Variants in ARHGAP24 observed in about 807,000 individuals in gnomAD.
The protein encoded by ARHGAP24 is rho GTPase-activating protein 24.
ARHGAP24 carries 50 observed loss-of-function variants against 76.4 expected under a neutral mutation model. The observed-to-expected ratio is 0.65, with a 90% CI of 0.52 to 0.83. The LOEUF (loss-of-function observed/expected upper bound fraction) is 0.83, where lower values mean the gene tolerates loss of function less well. Ranked by LOEUF, ARHGAP24 falls within the 40% of genes least tolerant of loss-of-function variation. The pLI is 0.00. For synonymous variants in ARHGAP24, 345 were observed against 323.3 expected, an observed-to-expected ratio of 1.07 and a Z score of -0.72; for missense variants, 930 against 914.2, an observed-to-expected ratio of 1.02 and a Z score of -0.22.
chr4:85,624,991 C>CT (rs1340320576), intron 2 of ARHGAP24, among the ~76,000 whole-genome samples: 4 of 152,126 alleles, frequency 2.6e-5, no homozygotes, highest in African/African-American at 9.7e-5. Context: ...TGCTAGCAGT[C>CT]TATCAATTTT....
At chr4:85,813,821 TATA>T (rs1281841956) in intron 3 of ARHGAP24, among the ~76,000 whole-genome samples, 22 of 80,476 alleles carry the variant, frequency 2.7e-4, no homozygotes, top group African/African-American at 9.7e-4. Flanking sequence ...ATTTATTTTA[TATA>T]TATATATATA....
At position 85,628,108 on chromosome 4, in the gene ARHGAP24, C is replaced by T. The variant is rs566082254; in HGVS notation, c.180+57387C>T. Among the ~76,000 whole-genome samples, 16 of 152,234 alleles carry T rather than the reference C, an allele frequency of 1.1e-4. No homozygotes were observed. In the South Asian group the frequency reaches 1.2e-3, roughly 12 times the overall value. On this transcript the variant is annotated intron_variant, in intron 2 of 9. Coordinates refer to ENST00000395184, the MANE Select transcript of ARHGAP24 (RefSeq NM_001025616.3). ...CCTGCACCTACTGTCTGGCACTCCC[C>T]GGTGAGATGAACCCGGTACCTCAAT... is the stretch of plus-strand genomic sequence containing the variant.
chr4:85,556,917 G>A (rs949543074), intron 1 of ARHGAP24, among the ~76,000 whole-genome samples: 1 of 152,144 alleles, frequency 6.6e-6, no homozygotes, highest in Non-Finnish European at 1.5e-5. Flanking sequence ...AAAGTCCCAG[G>A]TTTGGAGGCC....
At chr4:85,514,817 T>TAAAAAAAAA (rs773699457) in intron 1 of ARHGAP24, among the ~76,000 whole-genome samples, 1 of 82,500 alleles carries the variant, frequency 1.2e-5, no homozygotes, top group Non-Finnish European at 2.2e-5. Context: ...CTCTAAATTG[T>TAAAAAAAAA]AAAAAAAAAA....
intron 3 of ARHGAP24, among the ~76,000 whole-genome samples, chr4:85,828,657 G>A (rs2110132482): frequency 6.6e-6 from 1 of 152,090 alleles, no homozygotes; most frequent in Admixed American, 6.5e-5. Context: ...TGTGTACACA[G>A]GACAATACAA....
intron 2 of ARHGAP24, among the ~76,000 whole-genome samples, chr4:85,680,568 G>A (rs986843156): frequency 1.3e-5 from 2 of 151,912 alleles, no homozygotes; most frequent in Admixed American, 1.3e-4. Flanking sequence ...TTTCTATTAT[G>A]TACCCACATA....
At chr4:85,803,666 A>G (rs1728669700) in intron 3 of ARHGAP24, among the ~76,000 whole-genome samples, 1 of 152,166 alleles carries the variant, frequency 6.6e-6, no homozygotes, top group African/African-American at 2.4e-5. Context: ...CCATTTGCCC[A>G]GGTTAATTAG....
intron 2 of ARHGAP24, among the ~76,000 whole-genome samples, chr4:85,660,230 C>T (rs1029584201): frequency 1.3e-5 from 2 of 152,150 alleles, no homozygotes; most frequent in South Asian, 2.1e-4. Flanking sequence ...GCCTGCCCGC[C>T]GTGAAGCAAG....
At chr4:85,589,932 A>G (rs1049595933) in intron 2 of ARHGAP24, among the ~76,000 whole-genome samples, 1 of 152,188 alleles carries the variant, frequency 6.6e-6, no homozygotes, top group African/African-American at 2.4e-5. Context: ...GCACATTGCA[A>G]ATTTTCATGC....
chr4:85,607,218 A>G (rs1414387037), intron 2 of ARHGAP24, among the ~76,000 whole-genome samples: 3 of 152,210 alleles, frequency 2.0e-5, no homozygotes, highest in African/African-American at 7.2e-5. Context: ...TTCTGCCTAA[A>G]CTGAATTAAT....
At chr4:85,816,809 A>G (rs1729261007) in intron 3 of ARHGAP24, among the ~76,000 whole-genome samples, 1 of 152,176 alleles carries the variant, frequency 6.6e-6, no homozygotes, top group South Asian at 2.1e-4. Context: ...GCCAAATGGT[A>G]ATTCTATTTT....
intron 2 of ARHGAP24, among the ~76,000 whole-genome samples, chr4:85,625,442 T>C (rs1444926747): frequency 2.0e-5 from 3 of 152,204 alleles, no homozygotes; most frequent in Non-Finnish European, 4.4e-5. Context: ...AGAGACAGTT[T>C]GTTATAATTT....
chr4:85,718,394 T>C (rs893900143), intron 2 of ARHGAP24, among the ~76,000 whole-genome samples: 2 of 152,112 alleles, frequency 1.3e-5, no homozygotes, highest in Non-Finnish European at 2.9e-5. Context: ...TACACACATG[T>C]ATAAACACGT....
rs1560688545 is a variant in ARHGAP24, at chr4:85,875,043, T to TTTATATATAATATATTATA, written c.269-48589_269-48588insATATTATATATAATATATT. ...TAAAATATTTATATATACTATATTA[T>TTTATATATAATATATTATA]TTATATATAATATATTTGTTTTATA... is the stretch of plus-strand genomic sequence containing the variant. On this transcript the variant is annotated intron_variant, in intron 3 of 9. Transcript: ENST00000395184. Among the ~76,000 whole-genome samples the TTTATATATAATATATTATA allele has an allele frequency of 2.0e-5, 2 of 97,836 alleles. 1 individual carries two copies. Among genetic ancestry groups the TTTATATATAATATATTATA allele is most frequent in the Non-Finnish European group, 3.6e-5 (2 of 56,190 alleles). The allele number at this position is 97,836 out of a possible 152,430, so 64.2% of individuals were successfully genotyped here. A position where few individuals can be genotyped will look rare whatever the true frequency, so the allele number is the denominator to read the frequency against.
chr4:85,878,236 A>C (rs1283778681), intron 3 of ARHGAP24, among the ~76,000 whole-genome samples: 2 of 152,086 alleles, frequency 1.3e-5, no homozygotes, highest in African/African-American at 4.8e-5. Context: ...TGTGTTTTTG[A>C]TTATGTAAAT....
chr4:85,681,882 G>C (rs759822942), intron 2 of ARHGAP24, among the ~76,000 whole-genome samples: 1 of 152,152 alleles, frequency 6.6e-6, no homozygotes, highest in Non-Finnish European at 1.5e-5. Flanking sequence ...AAAATGTATT[G>C]ACCACTTAGT....
intron 3 of ARHGAP24, among the ~76,000 whole-genome samples, chr4:85,876,266 G>C (rs1394832078): frequency 6.6e-6 from 1 of 152,106 alleles, no homozygotes; most frequent in Non-Finnish European, 1.5e-5. Context: ...CTTCTTGTCA[G>C]ACCTGATTAG....
chr4:85,785,012 T>A (rs1727763684), intron 3 of ARHGAP24, among the ~76,000 whole-genome samples: 1 of 152,068 alleles, frequency 6.6e-6, no homozygotes, highest in South Asian at 2.1e-4. Context: ...TAAATATAGA[T>A]AGATATAATT....
chr4:85,779,992 A>G (rs1481497280), intron 3 of ARHGAP24, among the ~76,000 whole-genome samples: 1 of 152,156 alleles, frequency 6.6e-6, no homozygotes, highest in African/African-American at 2.4e-5. Flanking sequence ...CATGAGATCC[A>G]CTATATGTTT....
Sources: allele counts gnomAD v4.1 joint callset (sites outside exome capture counted in the v4.1 genomes callset), GRCh38; gene constraint gnomAD v4.1.1; transcripts MANE v1.5; gene names NCBI Gene and HGNC (gene_info 2026-07-23, HGNC 2026-07-21).